MLXIPL: variants seen among roughly 807,000 people sequenced by gnomAD.
MLXIPL encodes the protein MLX interacting protein like, also known as carbohydrate-responsive element-binding protein.
Under a neutral mutation model 81.5 loss-of-function variants are expected in MLXIPL, and 49 were observed. The ratio of observed to expected loss-of-function variants is 0.60; its 90% CI spans 0.48 to 0.76. The LOEUF (loss-of-function observed/expected upper bound fraction) is 0.76. MLXIPL is among the 30% of genes least tolerant of loss of function. The pLI, the probability that MLXIPL is intolerant of heterozygous loss-of-function variation, is 0.00. For synonymous variants in MLXIPL, 466 were observed against 485.5 expected (o/e 0.96, Z 0.53); for missense variants, 1,053 against 1,167.0 (o/e 0.90, Z 1.42).
chr7:73,631,166 G>A, the MLXIPL span, among the ~76,000 whole-genome samples: 5 of 151,880 alleles, frequency 3.3e-5, no homozygotes, highest in Non-Finnish European at 7.4e-5. Context: ...CCGCCACCAC[G>A]CCCAGCTAAT....
At chr7:73,636,139 G>A in the MLXIPL span, among the ~76,000 whole-genome samples, 5 of 152,184 alleles carry the variant, frequency 3.3e-5, no homozygotes, top group South Asian at 2.1e-4. Flanking sequence ...GCCGGGCACC[G>A]TGGCTCACGC....
intron 1 of MLXIPL, among the ~76,000 whole-genome samples, chr7:73,620,825 C>A (rs1554601835): frequency 6.7e-6 from 1 of 150,194 alleles, no homozygotes; most frequent in Non-Finnish European, 1.5e-5. Context: ...CTGAGGTGGG[C>A]AGATCACTTG....
At chr7:73,604,577 A>T (rs1245613485) in intron 7 of MLXIPL, among the ~76,000 whole-genome samples, 1 of 152,100 alleles carries the variant, frequency 6.6e-6, no homozygotes, top group Non-Finnish European at 1.5e-5. Context: ...TGTCTCAAAA[A>T]TAAATTAAAT....
At chr7:73,607,803 G>T (rs1554598869) in intron 2 of MLXIPL, 131 bp from the exon 3 acceptor site, 5 of 690,394 alleles carry the variant, frequency 7.2e-6, no homozygotes, top group Non-Finnish European at 1.0e-5. Context: ...TGCCCATGCT[G>T]CCTCCTCCAG....
upstream of MLXIPL, among the ~76,000 whole-genome samples, chr7:73,628,059 C>T (rs187511563): frequency 2.0e-5 from 3 of 152,074 alleles, no homozygotes; most frequent in Admixed American, 1.3e-4. Context: ...TGGGCTCAAG[C>T]GACCCTTCCA....
chr7:73,631,011 CT>C, the MLXIPL span, among the ~76,000 whole-genome samples: 23,539 of 143,858 alleles, frequency 0.16, 2,023 homozygotes, highest in African/African-American at 0.25. Flanking sequence ...CTAGGGAATA[CT>C]TTTTTTTTTT....
chr7:73,641,583 T>G, the MLXIPL span, among the ~76,000 whole-genome samples: 1 of 152,128 alleles, frequency 6.6e-6, no homozygotes, highest in African/African-American at 2.4e-5. Flanking sequence ...ATGACACCAT[T>G]TCTCAATTCT....
upstream of MLXIPL, among the ~76,000 whole-genome samples, chr7:73,628,567 C>A (rs369785769): frequency 6.6e-5 from 10 of 152,140 alleles, no homozygotes; most frequent in African/African-American, 2.2e-4. Context: ...ACAATCATAG[C>A]TCACTGCAGC....
chr7:73,613,476 G>A (rs1415577650), intron 2 of MLXIPL, among the ~76,000 whole-genome samples: 2 of 152,114 alleles, frequency 1.3e-5, no homozygotes, highest in African/African-American at 4.8e-5. Flanking sequence ...GCATGCGCCT[G>A]TAGTCCCAGT....
the MLXIPL span, among the ~76,000 whole-genome samples, chr7:73,645,209 C>G: frequency 9.2e-5 from 14 of 152,064 alleles, no homozygotes; most frequent in Non-Finnish European, 2.1e-4. Context: ...TAATTTGTTG[C>G]AGAGACACAG....
upstream of MLXIPL, among the ~76,000 whole-genome samples, chr7:73,629,232 G>A (rs1796798312): frequency 1.3e-5 from 2 of 151,926 alleles, no homozygotes; most frequent in Admixed American, 1.3e-4. Flanking sequence ...TGTAGAGACG[G>A]GGTTTCACCA....
intron 7 of MLXIPL, among the ~76,000 whole-genome samples, chr7:73,601,176 A>AGTGTGTGTGTGTGTGTGTGTGTGT (rs55639253): frequency 1.7e-4 from 23 of 137,726 alleles, no homozygotes; most frequent in African/African-American, 5.8e-4. Context: ...TGCAGGGTCA[A>AGTGTGTGTGTGTGTGTGTGTGTGT]GTGTGTGTGT....
chr7:73,635,340 A>G, the MLXIPL span, among the ~76,000 whole-genome samples: 1 of 152,064 alleles, frequency 6.6e-6, no homozygotes. Context: ...CAGGGTAGAG[A>G]TCAAGTGAGT....
chr7:73,614,624 C>T (rs1464632133), intron 2 of MLXIPL, among the ~76,000 whole-genome samples: 3 of 152,138 alleles, frequency 2.0e-5, no homozygotes, highest in African/African-American at 7.2e-5. Context: ...GCTGGCGGAT[C>T]CAAGTCCTCT....
At chr7:73,594,507 G>T in intron 15 of MLXIPL, 104 bp from the exon 16 acceptor site, 1 of 1,419,260 alleles carries the variant, frequency 7.0e-7, no homozygotes, top group Non-Finnish European at 9.8e-7. Flanking sequence ...CCTGGACACT[G>T]TCTAACGTTG....
At chr7:73,614,811 T>C (rs1415407628) in intron 2 of MLXIPL, among the ~76,000 whole-genome samples, 6 of 12,808 alleles carry the variant, frequency 4.7e-4, no homozygotes, top group Non-Finnish European at 1.1e-3. Context: ...GTTTTGCCCT[T>C]TTTTTTTTTT....
chr7:73,625,321 C>T (rs1227765870), upstream of MLXIPL, among the ~76,000 whole-genome samples: 2 of 152,192 alleles, frequency 1.3e-5, no homozygotes, highest in Non-Finnish European at 2.9e-5. Flanking sequence ...ACCTCCAACC[C>T]CCGCCCCCCA....
chr7:73,596,842 C>A lies in MLXIPL; in HGVS notation c.1671+23G>T, dbSNP rs370411889. 17 of 1,609,282 alleles carry A rather than the reference C, an allele frequency of 1.1e-5. No homozygotes were observed. The highest frequency in any genetic ancestry group is 1.7e-4 in the Middle Eastern group (1 of 5,860). On this transcript the variant is annotated intron_variant, in intron 10 of 16. Coordinates refer to ENST00000313375, the MANE Select transcript of MLXIPL (RefSeq NM_032951.3). The surrounding 1 kb of genome is among the most constrained non-coding windows in gnomAD (Gnocchi z 4.7). ...GTTGAAGGCCGTGGGCACAGCCCCA[C>A]CGCCCAGTGCCCGAGATCTTACCGG...
Position 73,607,347 on chromosome 7 carries a change from ATGCGCCACTT to A in MLXIPL, c.547_556del (p.Lys183SerfsTer74). ...CCCACTGACCCGCTTCTTGTAGTAG[ATGCGCCACTT>A]GTGGTATTCCCGCATCACCACCTCG... On this transcript the variant is annotated frameshift_variant, in exon 4 of 17. Transcript: ENST00000313375. LOFTEE classifies it high-confidence loss of function. The A allele has an allele frequency of 6.4e-7, 1 of 1,566,360 alleles. No homozygotes were observed. The highest frequency in any genetic ancestry group is 8.7e-7 in the Non-Finnish European group (1 of 1,155,112).
Sources: allele counts gnomAD v4.1 joint callset (sites outside exome capture counted in the v4.1 genomes callset), GRCh38; gene constraint gnomAD v4.1.1; non-coding constraint Gnocchi (gnomAD v3.1); transcripts MANE v1.5; gene names NCBI Gene and HGNC (gene_info 2026-07-23, HGNC 2026-07-21).